Variants in TNS1 observed in about 807,000 individuals in gnomAD.
TNS1 encodes the protein tensin-1.
In TNS1, 62 loss-of-function variants were observed where a neutral mutation model predicts 168.6. The ratio of observed to expected loss-of-function variants is 0.37; its 90% CI spans 0.30 to 0.45. The LOEUF (loss-of-function observed/expected upper bound fraction) is 0.45, where lower values mean the gene tolerates loss of function less well. Among genes scored for constraint, TNS1 ranks in the 20% least tolerant of loss-of-function variants. TNS1 has a pLI of 1.00. For missense variants in TNS1, 2,240 were observed against 2,339.4 expected, an observed-to-expected ratio of 0.96 and a Z score of 0.88; for synonymous variants, 934 against 933.2, an observed-to-expected ratio of 1.00 and a Z score of -0.02.
rs578075992 is a variant in TNS1 at position 218,002,882 on chromosome 2, G to A, written c.-10C>T. On this transcript the variant is annotated 5_prime_UTR_variant, in exon 1 of 33. Transcript: ENST00000682258. The stretch of plus-strand genomic sequence containing the variant: ...GACAGATCCACGTCATCTTTGCTGG[G>A]TCCCGTCACTGAGGCACGCCCAGGG... The A allele has an allele frequency of 6.6e-6, 3 of 456,812 alleles. No homozygotes were observed. The highest frequency in any genetic ancestry group is 3.1e-5 in the South Asian group (2 of 64,568). 28.3% of individuals were successfully genotyped at this position (456,812 alleles called of 1,614,324 possible).
chr2:217,805,612 C>A (rs141052659), intron 32 of TNS1, among the ~76,000 whole-genome samples: 13 of 44,170 alleles, frequency 2.9e-4, no homozygotes, highest in Non-Finnish European at 3.4e-4. Flanking sequence ...CCACACACAC[C>A]ACACACATAC....
At chr2:217,898,791 G>T (rs1296269612) in intron 7 of TNS1, among the ~76,000 whole-genome samples, 1 of 152,218 alleles carries the variant, frequency 6.6e-6, no homozygotes, top group African/African-American at 2.4e-5. Context: ...CTCTCCACTG[G>T]GCACTGGGTG....
At chr2:218,015,843 G>T (rs988050574) in intron 1 of TNS1, among the ~76,000 whole-genome samples, 1 of 152,228 alleles carries the variant, frequency 6.6e-6, no homozygotes, top group African/African-American at 2.4e-5. Flanking sequence ...TGGGACAGGG[G>T]CCTGGGGTCG....
rs1199658267 is a variant in TNS1, at chr2:218,032,491, G to A, written c.156+1329C>T. The stretch of plus-strand genomic sequence containing the variant: ...GGCTGTGGTCAAAGAGAGATGCTGG[G>A]CCTACGGCAGGGCCTGGGGCAGGAA... On this transcript the variant is annotated intron_variant, in intron 1 of 1. Coordinates refer to the TNS1 transcript ENST00000649572. This position sits in a 1 kb window ranked among gnomAD's most constrained non-coding sequence, Gnocchi z 4.0. Among the ~76,000 whole-genome samples the A allele has an allele frequency of 6.6e-6, 1 of 152,172 alleles. No individual in the cohort carries two copies. The highest frequency in any genetic ancestry group is 1.5e-5 in the Non-Finnish European group (1 of 68,030).
rs1020450611 is a variant in TNS1 at position 217,907,248 on chromosome 2, T to C, written c.232A>G (p.Ile78Val). ...TTCTTTGGTGCATTCTCAGTGGTGA[T>C]GGGCTGTGGACAGAAGGAGAAACAG... ...VPPSNHELVP[I>V]TTENAPKNVV... Residue 78 changes from isoleucine to valine, a missense_variant, in exon 5 of 33, where the codon ATC (isoleucine) becomes GTC (valine). Coordinates refer to ENST00000682258, the MANE Select transcript of TNS1 (RefSeq NM_001387777.1). The C allele has an allele frequency of 4.3e-6, 3 of 703,012 alleles. No individual in the cohort carries two copies. Among genetic ancestry groups the C allele is most frequent in the Non-Finnish European group, 7.8e-6 (3 of 385,022 alleles). 43.5% of individuals were successfully genotyped at this position (703,012 alleles called of 1,614,324 possible).
intron 3 of TNS1, among the ~76,000 whole-genome samples, chr2:217,942,780 G>A (rs1956979778): frequency 6.6e-6 from 1 of 150,444 alleles, no homozygotes; most frequent in Non-Finnish European, 1.5e-5. Context: ...CCGCCTGCCT[G>A]CCTGCCCTCC....
chr2:217,913,090 G>A (rs1233578542), intron 4 of TNS1, among the ~76,000 whole-genome samples: 1 of 152,190 alleles, frequency 6.6e-6, no homozygotes, highest in African/African-American at 2.4e-5. Context: ...GGAGCCGATG[G>A]GTGAGGGCTA....
intron 25 of TNS1, among the ~76,000 whole-genome samples, chr2:217,814,471 A>T (rs532420104): frequency 7.6e-4 from 116 of 152,272 alleles, no homozygotes; most frequent in African/African-American, 2.7e-3. Context: ...GTAAAACTTC[A>T]TTTACAAAAG....
In TNS1 at chr2:217,872,907, A is replaced by T. The variant is rs536152682; in HGVS notation, c.1429+7991T>A. Among the ~76,000 whole-genome samples the T allele has an allele frequency of 9.2e-5, 14 of 152,380 alleles. No individual in the cohort carries two copies. The South Asian group carries it at 2.9e-3, about 32-fold the overall frequency. ...ATACATGTTACAACGTGAATGAAAC[A>T]TTGGGTCAAGTAAAAGAAACCAGAC... On this transcript the variant is annotated intron_variant, in intron 18 of 32. Transcript: ENST00000682258.
upstream of TNS1, among the ~76,000 whole-genome samples, chr2:218,006,917 A>C (rs572699252): frequency 3.9e-5 from 6 of 152,318 alleles, no homozygotes; most frequent in South Asian, 8.3e-4. Flanking sequence ...CTTGCTTAAC[A>C]GACAGCCACA....
chr2:217,952,021 A>G (rs1957255192), intron 3 of TNS1, among the ~76,000 whole-genome samples: 2 of 152,264 alleles, frequency 1.3e-5, no homozygotes, highest in South Asian at 4.1e-4. Flanking sequence ...GAACACAGCC[A>G]GATGGGCCCC....
At chr2:218,026,009 G>C (rs975403097) in intron 1 of TNS1, among the ~76,000 whole-genome samples, 1 of 152,174 alleles carries the variant, frequency 6.6e-6, no homozygotes, top group African/African-American at 2.4e-5. Flanking sequence ...GCCTCCCCTA[G>C]CCCTTTCATT....
In TNS1 at chr2:217,800,455, T is replaced by C. The variant is rs890441170; in HGVS notation, c.*4004A>G. ...CTCACCTCCCGACTCCCCTCACTGC[T>C]GGGCGACATTGAATTTGAAGTTCCA... On this transcript the variant is annotated 3_prime_UTR_variant, in exon 33 of 33. Transcript: ENST00000682258. 2.6e-5 allele frequency: 4 copies of C among 152,310 alleles called. No individual in the cohort carries two copies. The highest frequency in any genetic ancestry group is 7.2e-5 in the African/African-American group (3 of 41,450). 9.4% of individuals were successfully genotyped at this position (152,310 alleles called of 1,614,324 possible).
At position 217,986,367 on chromosome 2, in the gene TNS1, G is replaced by C. The variant is rs951217612; in HGVS notation, c.148+4575C>G. Among the ~76,000 whole-genome samples, 1 of 152,380 alleles carries C rather than the reference G, an allele frequency of 6.6e-6. No individual in the cohort carries two copies. Among genetic ancestry groups the C allele is most frequent in the East Asian group, 1.9e-4 (1 of 5,188 alleles). On this transcript the variant is annotated intron_variant, in intron 2 of 32. Transcript: ENST00000682258. The surrounding 1 kb of genome is among the most constrained non-coding windows in gnomAD (Gnocchi z 4.7). Reference sequence around the variant, plus strand: ...TGCATCCTGCCCTAAGGAAACTGCAGGTGACTGTCCCCCATTCCAGGCTCA... The same window carrying C: ...TGCATCCTGCCCTAAGGAAACTGCACGTGACTGTCCCCCATTCCAGGCTCA...
At chr2:217,937,694 C>T (rs925966377) in intron 3 of TNS1, among the ~76,000 whole-genome samples, 4 of 152,018 alleles carry the variant, frequency 2.6e-5, no homozygotes, top group East Asian at 1.9e-4. Flanking sequence ...ACTCACAGAC[C>T]CCCCACCCCT....
At chr2:217,846,037 CA>C (rs971144482) in intron 19 of TNS1, among the ~76,000 whole-genome samples, 7 of 152,148 alleles carry the variant, frequency 4.6e-5, no homozygotes, top group African/African-American at 1.7e-4. Context: ...TCTCTGCTGA[CA>C]AAGCCAGGGG....
chr2:217,919,326 C>T (rs894515039), intron 4 of TNS1, among the ~76,000 whole-genome samples: 1 of 152,226 alleles, frequency 6.6e-6, no homozygotes, highest in East Asian at 1.9e-4. Flanking sequence ...CCAGGACAGC[C>T]ACGCCCCGCC....
chr2:217,925,172 T>C (rs1166707876), intron 3 of TNS1, among the ~76,000 whole-genome samples: 2 of 152,250 alleles, frequency 1.3e-5, no homozygotes, highest in Non-Finnish European at 2.9e-5. Context: ...GTCGTGTTTT[T>C]ACATGTTTCT....
At position 217,814,881 on chromosome 2, in the gene TNS1, C is replaced by T. The variant is rs186936698; in HGVS notation, c.4729+31G>A. 2,245 of 1,580,172 alleles carry T rather than the reference C, an allele frequency of 1.4e-3. 5 individuals are homozygous for T. Among genetic ancestry groups the T allele is most frequent in the Non-Finnish European group, 1.8e-3 (2,086 of 1,152,396 alleles). ...CACAGCAGGCCTCAGCCAGCTATGGCCTCTGATGCACCACAGAGCCCAGCA... is the reference window on the plus strand; with the variant it reads ...CACAGCAGGCCTCAGCCAGCTATGGTCTCTGATGCACCACAGAGCCCAGCA... On this transcript the variant is annotated intron_variant, in intron 25 of 32. Transcript: ENST00000682258.
Sources: gnomAD v4.1 joint callset for allele counts (sites outside exome capture counted in the v4.1 genomes callset) on GRCh38, gnomAD v4.1.1 for gene constraint, Gnocchi (gnomAD v3.1) non-coding constraint, MANE v1.5 for transcripts, NCBI Gene and HGNC (gene_info 2026-07-23, HGNC 2026-07-21) for gene names.